Variants in CTNNA2 observed in about 807,000 individuals in gnomAD.
The protein encoded by CTNNA2 is catenin alpha-2.
Under a neutral mutation model 101.0 loss-of-function variants are expected in CTNNA2, and 42 were observed. The observed-to-expected ratio is 0.42, with a 90% confidence interval of 0.32 to 0.54. CTNNA2 has a LOEUF of 0.54. CTNNA2 is among the 20% of genes least tolerant of loss of function. The pLI is 0.14. For missense variants in CTNNA2, 871 were observed against 1,223.1 expected (o/e 0.71, Z 4.29); for synonymous variants, 450 against 456.4 (o/e 0.99, Z 0.18).
intron 1 of CTNNA2, among the ~76,000 whole-genome samples, chr2:79,635,039 G>A (rs1679928294): frequency 7.4e-6 from 1 of 136,050 alleles, no homozygotes; most frequent in East Asian, 1.9e-4. Context: ...GGGATCAGAG[G>A]GGGTAAGATT....
At chr2:79,615,224 G>C (rs1678537854) in intron 1 of CTNNA2, among the ~76,000 whole-genome samples, 1 of 151,306 alleles carries the variant, frequency 6.6e-6, no homozygotes, top group Non-Finnish European at 1.5e-5. Context: ...TCAGCTTTTA[G>C]TGTGATCTGA....
chr2:80,065,363 AT>A (rs34605273), intron 7 of CTNNA2, among the ~76,000 whole-genome samples: 57,556 of 144,352 alleles, frequency 0.4, 11,965 homozygotes, highest in Admixed American at 0.49. Flanking sequence ...TCTCCATTCT[AT>A]TTTTTTTTTT....
At chr2:79,504,505 G>T (rs928367179) in intron 4 of CTNNA2, among the ~76,000 whole-genome samples, 5 of 152,088 alleles carry the variant, frequency 3.3e-5, no homozygotes, top group African/African-American at 1.2e-4. Context: ...GACCAGGCTG[G>T]TCTCACACTC....
chr2:79,792,043 CA>C (rs1462448900), intron 3 of CTNNA2, among the ~76,000 whole-genome samples: 2 of 152,152 alleles, frequency 1.3e-5, no homozygotes, highest in Non-Finnish European at 2.9e-5. Context: ...GTTGTGGATG[CA>C]AATACCAACT....
intron 7 of CTNNA2, among the ~76,000 whole-genome samples, chr2:79,911,810 G>T (rs949344988): frequency 9.9e-5 from 15 of 152,148 alleles, no homozygotes; most frequent in African/African-American, 3.6e-4. Flanking sequence ...ATAACATTTA[G>T]TTGGACTTCA....
At chr2:80,534,121 A>G (rs2149601379) in intron 9 of CTNNA2, among the ~76,000 whole-genome samples, 1 of 152,264 alleles carries the variant, frequency 6.6e-6, no homozygotes, top group Admixed American at 6.5e-5. Flanking sequence ...AGGCATGCAA[A>G]CAGCATTTGC....
At chr2:80,426,958 A>G (rs1406696518) in intron 9 of CTNNA2, among the ~76,000 whole-genome samples, 2 of 152,002 alleles carry the variant, frequency 1.3e-5, no homozygotes, top group Non-Finnish European at 2.9e-5. Flanking sequence ...ACTTCATGAC[A>G]TCCCTTTTAC....
chr2:79,542,114 G>A (rs865846959), intron 1 of CTNNA2, among the ~76,000 whole-genome samples: 10 of 151,440 alleles, frequency 6.6e-5, no homozygotes, highest in African/African-American at 1.5e-4. Context: ...CTTTTAGCCC[G>A]AAAGTAGTAT....
At chr2:80,091,279 A>G (rs1699774478) in intron 7 of CTNNA2, among the ~76,000 whole-genome samples, 1 of 152,080 alleles carries the variant, frequency 6.6e-6, no homozygotes, top group Non-Finnish European at 1.5e-5. Flanking sequence ...TTACTATTCG[A>G]CTTGTTTTCT....
intron 9 of CTNNA2, among the ~76,000 whole-genome samples, chr2:80,480,296 T>G (rs1445007916): frequency 6.6e-6 from 1 of 152,048 alleles, no homozygotes; most frequent in Admixed American, 6.6e-5. Flanking sequence ...GTTTTATTTT[T>G]AAAATGTAAA....
intron 4 of CTNNA2, among the ~76,000 whole-genome samples, chr2:79,490,937 T>C (rs1671202227): frequency 6.6e-6 from 1 of 152,116 alleles, no homozygotes; most frequent in South Asian, 2.1e-4. Flanking sequence ...GATATGAGGA[T>C]ATTAGTAGTA....
intron 7 of CTNNA2, among the ~76,000 whole-genome samples, chr2:80,306,450 T>TTCTTTCTTTCTTTC (rs1553488063): frequency 1.6e-5 from 2 of 125,026 alleles, no homozygotes; most frequent in Admixed American, 1.7e-4. Flanking sequence ...CTTTCTTTCT[T>TTCTTTCTTTCTTTC]TCTCTCTCTC....
intron 7 of CTNNA2, among the ~76,000 whole-genome samples, chr2:80,257,505 G>A (rs1030412101): frequency 2.6e-5 from 4 of 152,164 alleles, no homozygotes; most frequent in African/African-American, 9.7e-5. Flanking sequence ...TGTGAGAAAG[G>A]GCAGACAGAA....
At chr2:80,543,877 C>A (rs1691802288) in intron 9 of CTNNA2, among the ~76,000 whole-genome samples, 1 of 152,176 alleles carries the variant, frequency 6.6e-6, no homozygotes, top group East Asian at 1.9e-4. Context: ...ATTCTGTCTG[C>A]TAATCACTTG....
At chr2:80,548,243 A>G (rs553611064) in intron 11 of CTNNA2, among the ~76,000 whole-genome samples, 7 of 152,274 alleles carry the variant, frequency 4.6e-5, no homozygotes, top group African/African-American at 1.7e-4. Context: ...CAGATCACAC[A>G]GCCATCCTGA....
At chr2:80,570,516 C>G (rs888733853) in intron 12 of CTNNA2, among the ~76,000 whole-genome samples, 1 of 152,008 alleles carries the variant, frequency 6.6e-6, no homozygotes, top group Non-Finnish European at 1.5e-5. Context: ...AGGGGTCAGA[C>G]CCAGAAAAAC....
At chr2:80,461,117 G>C (rs962718960) in intron 9 of CTNNA2, among the ~76,000 whole-genome samples, 3 of 152,040 alleles carry the variant, frequency 2.0e-5, no homozygotes, top group Non-Finnish European at 2.9e-5. Context: ...CTTTAGCCAG[G>C]CTCCTAAATC....
chr2:79,415,330 T>C (rs1048643292), intron 4 of CTNNA2, among the ~76,000 whole-genome samples: 12 of 152,132 alleles, frequency 7.9e-5, no homozygotes, highest in African/African-American at 2.9e-4. Flanking sequence ...CTGAGACCCA[T>C]ACCAAGAGCA....
chr2:80,416,465 A>G (rs990491214), intron 8 of CTNNA2, among the ~76,000 whole-genome samples: 3 of 152,100 alleles, frequency 2.0e-5, no homozygotes, highest in Non-Finnish European at 4.4e-5. Flanking sequence ...CTTCCCCACC[A>G]ACACTCCTGG....
Sources: gnomAD v4.1 joint callset for allele counts (sites outside exome capture counted in the v4.1 genomes callset) on GRCh38, gnomAD v4.1.1 for gene constraint, MANE v1.5 for transcripts, NCBI Gene and HGNC (gene_info 2026-07-23, HGNC 2026-07-21) for gene names.